ATP2C1: variants seen among roughly 807,000 people sequenced by gnomAD.
ATP2C1 encodes the protein calcium-transporting ATPase type 2C member 1.
Under a neutral mutation model 120.5 loss-of-function variants are expected in ATP2C1, and 31 were observed. That is an observed-to-expected ratio of 0.26 (90% CI 0.19 to 0.35). The LOEUF is 0.35. Ranked by LOEUF, ATP2C1 falls within the 10% of genes least tolerant of loss-of-function variation. The pLI is 1.00. For missense variants in ATP2C1, 731 were observed against 1,107.5 expected (o/e 0.66, Z 4.83); for synonymous variants, 351 against 358.7 (o/e 0.98, Z 0.24).
chr3:130,881,645 G>A (rs1016510126), intron 1 of ATP2C1, among the ~76,000 whole-genome samples: 1 of 152,106 alleles, frequency 6.6e-6, no homozygotes, highest in African/African-American at 2.4e-5. Context: ...GATTGCTTTG[G>A]GTAGCATGGA....
chr3:130,888,013 T>C (rs930464211), intron 1 of ATP2C1, among the ~76,000 whole-genome samples: 1 of 152,134 alleles, frequency 6.6e-6, no homozygotes, highest in African/African-American at 2.4e-5. Context: ...TTGCGGCTGA[T>C]TATTTAGTAC....
chr3:130,980,481 AAG>A (rs1259596484), intron 19 of ATP2C1, 99 bp from the exon 20 acceptor site: 11 of 819,492 alleles, frequency 1.3e-5, no homozygotes, highest in Non-Finnish European at 2.1e-5. Context: ...TAGGTAACAA[AAG>A]AGAACAGATA....
At chr3:131,014,491 T>C in intron 26 of ATP2C1, 11 of 1,064,814 alleles carry the variant, frequency 1.0e-5, no homozygotes, top group South Asian at 3.5e-5. Flanking sequence ...CAATGAGAGC[T>C]CTTATTGCTC....
chr3:130,916,659 A>G (rs1269813255), intron 2 of ATP2C1, among the ~76,000 whole-genome samples: 3 of 152,124 alleles, frequency 2.0e-5, no homozygotes, highest in Non-Finnish European at 4.4e-5. Context: ...TTCCCTGATT[A>G]ATGAAGTGGA....
At position 130,908,659 on chromosome 3, in the gene ATP2C1, G is replaced by A. The variant is rs901887406; in HGVS notation, c.6+13884G>A. 7.2e-5 allele frequency among the ~76,000 whole-genome samples: 11 copies of A among 152,008 alleles called. No individual in the cohort carries two copies. In the South Asian group the frequency reaches 1.0e-3, roughly 14 times the overall value. ...TGTTTTCTGAAAAATCATTAAGAAT[G>A]ACTCAGTAGTGCAAGTAAAATTAAA... On this transcript the variant is annotated intron_variant, in intron 2 of 27. Coordinates refer to ENST00000510168, the MANE Select transcript of ATP2C1 (RefSeq NM_001378687.1).
At chr3:130,997,982 C>G (rs2062708888) in intron 25 of ATP2C1, among the ~76,000 whole-genome samples, 1 of 152,026 alleles carries the variant, frequency 6.6e-6, no homozygotes, top group Non-Finnish European at 1.5e-5. Flanking sequence ...AATAAAAATA[C>G]ATGAAAATTT....
intron 2 of ATP2C1, chr3:130,914,309 AG>A (rs2058582990): frequency 6.6e-6 from 1 of 151,784 alleles, no homozygotes; most frequent in South Asian, 2.1e-4. Flanking sequence ...TAAGCCATAT[AG>A]GTTTTTTTGT....
chr3:131,014,934 C>CTTTTTACAT (rs1254895363), intron 26 of ATP2C1, among the ~76,000 whole-genome samples: 4 of 152,194 alleles, frequency 2.6e-5, no homozygotes, highest in Non-Finnish European at 4.4e-5. Flanking sequence ...CTTGGTTATG[C>CTTTTTACAT]TAAGATTCAA....
chr3:130,969,057 A>T (rs1044200783), intron 16 of ATP2C1, among the ~76,000 whole-genome samples: 10 of 152,210 alleles, frequency 6.6e-5, no homozygotes, highest in Admixed American at 6.5e-5. Context: ...AGGTTTAGTC[A>T]GCGTACAATC....
At chr3:130,993,035 G>C in intron 21 of ATP2C1, 34 bp downstream of exon 21, 1 of 1,574,120 alleles carries the variant, frequency 6.4e-7, no homozygotes, top group Non-Finnish European at 8.7e-7. Flanking sequence ...TTTTATTTCT[G>C]TATACAAAAT....
intron 27 of ATP2C1, among the ~76,000 whole-genome samples, chr3:131,000,691 G>C (rs902455318): frequency 6.6e-6 from 1 of 152,188 alleles, no homozygotes; most frequent in Non-Finnish European, 1.5e-5. Context: ...AATTCTGGCT[G>C]CTGCCTTTCC....
At chr3:130,910,259 G>A (rs1576670139) in intron 2 of ATP2C1, among the ~76,000 whole-genome samples, 1 of 150,744 alleles carries the variant, frequency 6.6e-6, no homozygotes, top group Admixed American at 6.6e-5. Context: ...GTCTGTTCTT[G>A]GTGTATAAGA....
At chr3:130,903,243 T>G (rs2057948595) in intron 2 of ATP2C1, among the ~76,000 whole-genome samples, 2 of 152,056 alleles carry the variant, frequency 1.3e-5, no homozygotes, top group South Asian at 4.1e-4. Context: ...TTAGAAAAAT[T>G]AGCTTTTGAG....
At chr3:130,853,445 G>A (rs1308421870) in intron 1 of ATP2C1, among the ~76,000 whole-genome samples, 1 of 152,114 alleles carries the variant, frequency 6.6e-6, no homozygotes, top group Admixed American at 6.5e-5. Context: ...CTCACTTAGC[G>A]CTGCTAAGTA....
Position 131,003,026 on chromosome 3 carries a change from C to G in ATP2C1, c.*1676C>G. On this transcript the variant is annotated 3_prime_UTR_variant, in exon 28 of 28. Transcript: ENST00000510168. ...TTCTCTGTTACAAAGACTTGAAATA[C>G]GTATTAAATGCACGTTAATGTTTTG... is the stretch of plus-strand genomic sequence containing the variant. The G allele has an allele frequency of 1.0e-6, 1 of 985,530 alleles. No homozygotes were observed. The allele number at this position is 985,530 out of a possible 1,614,324, so 61.0% of individuals were successfully genotyped here. A position where few individuals can be genotyped will look rare whatever the true frequency, so the allele number is the denominator to read the frequency against.
intron 2 of ATP2C1, among the ~76,000 whole-genome samples, chr3:130,907,895 C>T (rs1278366146): frequency 6.6e-6 from 1 of 151,916 alleles, no homozygotes; most frequent in African/African-American, 2.4e-5. Context: ...TACTTAGGTA[C>T]AAACATAAGA....
At chr3:130,928,721 A>G (rs550408502) in intron 2 of ATP2C1, among the ~76,000 whole-genome samples, 172 of 152,304 alleles carry the variant, frequency 1.1e-3, no homozygotes, top group Admixed American at 3.5e-3. Flanking sequence ...CTGTTTAGCC[A>G]TATTATCCCC....
At chr3:130,918,725 C>T (rs567439633) in intron 2 of ATP2C1, 5 of 426,714 alleles carry the variant, frequency 1.2e-5, no homozygotes, top group South Asian at 5.8e-5. Context: ...GGCGCGGTGG[C>T]TCACGCCTGT....
intron 1 of ATP2C1, among the ~76,000 whole-genome samples, chr3:130,874,222 TAC>T (rs1193584546): frequency 6.6e-6 from 1 of 152,012 alleles, no homozygotes; most frequent in Non-Finnish European, 1.5e-5. Flanking sequence ...AAGAATAAAA[TAC>T]AGTCAGTTAT....
Sources: allele counts gnomAD v4.1 joint callset (sites outside exome capture counted in the v4.1 genomes callset), GRCh38; gene constraint gnomAD v4.1.1; transcripts MANE v1.5; gene names NCBI Gene and HGNC (gene_info 2026-07-23, HGNC 2026-07-21).